Variants in SH3BP5 observed in about 807,000 individuals in gnomAD.
The protein encoded by SH3BP5 is SH3 domain binding protein 5, also known as SH3 domain-binding protein 5.
In SH3BP5, 22 loss-of-function variants were observed where a neutral mutation model predicts 43.3. That is an observed-to-expected ratio of 0.51 (90% confidence interval 0.36 to 0.73). SH3BP5 has a LOEUF of 0.73. Ranked by LOEUF, SH3BP5 falls within the 30% of genes least tolerant of loss-of-function variation. SH3BP5 has a pLI of 0.00. For missense variants in SH3BP5, 529 were observed against 586.9 expected (o/e 0.90, Z 1.02); for synonymous variants, 255 against 225.8 (o/e 1.13, Z -1.16).
chr3:15,261,432 T>G (rs1696433088), intron 5 of SH3BP5, among the ~76,000 whole-genome samples: 1 of 152,206 alleles, frequency 6.6e-6, no homozygotes, highest in African/African-American at 2.4e-5. Flanking sequence ...ACTGGGCATC[T>G]GCCAAGCTTC....
Position 15,262,304 on chromosome 3 carries a change from A to C in SH3BP5, c.496-15T>G. ...GCCTCCATGACCTTAAAATGACAGC[A>C]GAGTTCAGCCCAGTCCAGCCCAGAA... On this transcript the variant is annotated splice_polypyrimidine_tract_variant and intron_variant, in intron 4 of 8. Coordinates refer to ENST00000383791, the MANE Select transcript of SH3BP5 (RefSeq NM_004844.5). The C allele has an allele frequency of 6.2e-7, 1 of 1,614,038 alleles. No homozygotes were observed. The highest frequency in any genetic ancestry group is 8.5e-7 in the Non-Finnish European group (1 of 1,179,898).
intron 2 of SH3BP5, among the ~76,000 whole-genome samples, chr3:15,309,867 T>TGCA (rs1698004770): frequency 6.6e-6 from 1 of 151,828 alleles, no homozygotes; most frequent in South Asian, 2.1e-4. Context: ...TCATCAAAGA[T>TGCA]GCATTGAAAC....
intron 3 of SH3BP5, among the ~76,000 whole-genome samples, chr3:15,285,974 A>G (rs144076251): frequency 2.6e-5 from 4 of 152,274 alleles, no homozygotes; most frequent in Admixed American, 6.5e-5. Flanking sequence ...AGAGGGACAC[A>G]GATGAAAATG....
intron 2 of SH3BP5, among the ~76,000 whole-genome samples, chr3:15,309,478 G>C (rs959370651): frequency 9.2e-5 from 14 of 152,158 alleles, no homozygotes; most frequent in Admixed American, 9.2e-4. Flanking sequence ...AAACTCCTGG[G>C]CTCAAGGGAT....
intron 3 of SH3BP5, among the ~76,000 whole-genome samples, chr3:15,280,804 C>T (rs1697105942): frequency 2.0e-5 from 3 of 152,158 alleles, no homozygotes; most frequent in East Asian, 3.8e-4. Context: ...CCATCTCTGC[C>T]TTTGTCCCCC....
rs1212536882 is a variant in SH3BP5, at chr3:15,313,225, A to C, written c.202-8994T>G. On this transcript the variant is annotated intron_variant, in intron 2 of 8. Transcript: ENST00000383791. ...GCATAAGCCGAGATCATGCCATTGC[A>C]CTCCAGCTTGGGCAACAAGAGCGAA... Among the ~76,000 whole-genome samples, 5 of 152,386 alleles carry C rather than the reference A, an allele frequency of 3.3e-5. No homozygotes were observed. In the East Asian group the frequency reaches 9.6e-4, roughly 29 times the overall value.
chr3:15,330,499 T>C lies in SH3BP5; in HGVS notation c.201+5A>G, dbSNP rs773074117. 6.2e-7 allele frequency: 1 copy of C among 1,611,418 alleles called. No homozygotes were observed. Among genetic ancestry groups the C allele is most frequent in the Non-Finnish European group, 8.5e-7 (1 of 1,177,728 alleles). ...CACCAAGAACAGGAACTCAGCTCTC[T>C]GTACCTCAAGTTCAGTCTCCCGTCT... On this transcript the variant is annotated splice_donor_5th_base_variant and intron_variant, in intron 2 of 8. Transcript: ENST00000383791.
chr3:15,292,811 G>A (rs1269166411), intron 3 of SH3BP5, among the ~76,000 whole-genome samples: 2 of 152,168 alleles, frequency 1.3e-5, no homozygotes, highest in African/African-American at 2.4e-5. Flanking sequence ...TCACACCATT[G>A]CACCCCAGCC....
intron 2 of SH3BP5, among the ~76,000 whole-genome samples, chr3:15,320,445 G>A (rs1698293066): frequency 6.6e-6 from 1 of 152,056 alleles, no homozygotes; most frequent in Non-Finnish European, 1.5e-5. Context: ...GATACTCTTG[G>A]TTAAAATGCA....
At position 15,256,173 on chromosome 3, in the gene SH3BP5, C is replaced by T; in HGVS notation, c.1281G>A (p.Leu427=). 1 of 1,614,208 alleles carries T rather than the reference C, an allele frequency of 6.2e-7. No individual in the cohort carries two copies. The highest frequency in any genetic ancestry group is 8.5e-7 in the Non-Finnish European group (1 of 1,180,034). ...GGGAGAGCTGCTTCATCCGGTTCTC[C>T]AAGGCCTGGCCCTCAGGGGAGGTGC... The part of the protein sequence containing the change: ...QSSTSPEGQA[L]ENRMKQLSLQ... The change falls in exon 9 of 9, where the codon TTG becomes TTA. Residue 427 remains leucine, a synonymous_variant. Transcript: ENST00000383791.
intron 3 of SH3BP5, among the ~76,000 whole-genome samples, chr3:15,287,478 C>T (rs1697297437): frequency 6.6e-6 from 1 of 152,180 alleles, no homozygotes; most frequent in Admixed American, 6.5e-5. Flanking sequence ...CAGTGCTGTC[C>T]AACAGAACTT....
intron 3 of SH3BP5, among the ~76,000 whole-genome samples, chr3:15,274,738 G>A (rs2125071690): frequency 6.6e-6 from 1 of 152,276 alleles, no homozygotes; most frequent in East Asian, 1.9e-4. Context: ...TAGAGACAGG[G>A]TTTCGCCATG....
chr3:15,269,870 A>G lies in SH3BP5; in HGVS notation c.338T>C (p.Leu113Pro). The change falls in exon 4 of 9, where the codon CTG (leucine) becomes CCG (proline). Residue 113 changes from leucine (L) to proline (P), a missense_variant. This residue lies in a region of SH3BP5 where 85 missense variants were observed against 140.8 expected (regional missense o/e 0.60). Transcript: ENST00000383791. ...EARRVARQAQ[L>P]EAQKATQDFQ... ...GTCCTGCGTGGCTTTCTGAGCTTCC[A>G]GCTGAGCCTGTGTGAGAAAGAATCC... The G allele has an allele frequency of 1.3e-6, 2 of 1,544,198 alleles. No homozygotes were observed. Among genetic ancestry groups the G allele is most frequent in the Non-Finnish European group, 1.8e-6 (2 of 1,140,528 alleles).
chr3:15,308,182 T>TG (rs1046197283), intron 2 of SH3BP5, among the ~76,000 whole-genome samples: 1 of 152,176 alleles, frequency 6.6e-6, no homozygotes, highest in Non-Finnish European at 1.5e-5. Flanking sequence ...GAGAGCTCTC[T>TG]GGGGCACTGG....
chr3:15,278,437 C>T (rs572322860), intron 3 of SH3BP5, among the ~76,000 whole-genome samples: 3 of 152,160 alleles, frequency 2.0e-5, no homozygotes, highest in Non-Finnish European at 4.4e-5. Flanking sequence ...TCCCAGGGAC[C>T]GGCAGTTCAT....
chr3:15,304,192 T>C lies in SH3BP5; in HGVS notation c.241A>G (p.Thr81Ala). 6.2e-7 allele frequency: 1 copy of C among 1,614,184 alleles called. No homozygotes were observed. Among genetic ancestry groups the C allele is most frequent in the Non-Finnish European group, 8.5e-7 (1 of 1,180,030 alleles). The change falls in exon 3 of 9, where the codon ACG becomes GCG. Residue 81 changes from threonine (T) to alanine (A), a missense_variant. Physicochemically the swap from Thr to Ala is moderately conservative, Grantham distance 58 (BLOSUM62 0). Around this residue, in one of 3 missense-constraint regions of SH3BP5, gnomAD observed 85 missense variants for 140.8 expected, o/e 0.60. Transcript: ENST00000383791. ...QKFRSVLVEATVKLDELVKKI... is the reference protein window; with the variant it reads ...QKFRSVLVEAAVKLDELVKKI... ...TTCACCAGTTCATCCAGTTTCACCG[T>C]TGCTTCAACCAGAACAGAGCGGAAC...
intron 3 of SH3BP5, among the ~76,000 whole-genome samples, chr3:15,293,306 G>A (rs1447018621): frequency 6.6e-6 from 1 of 152,228 alleles, no homozygotes; most frequent in Non-Finnish European, 1.5e-5. Context: ...AGGGAAGAAC[G>A]TCACTGAGCC....
At chr3:15,338,461 C>T (rs1431921004) in intron 1 of SH3BP5, among the ~76,000 whole-genome samples, 1 of 152,214 alleles carries the variant, frequency 6.6e-6, no homozygotes, top group East Asian at 1.9e-4. Context: ...GTGTCAATAT[C>T]GGAAGAAACT....
rs758336543 is a variant in SH3BP5 at position 15,259,069 on chromosome 3, G to A, written c.670-19C>T. On this transcript the variant is annotated intron_variant, in intron 6 of 8. Transcript: ENST00000383791. ...TCAGTTGCTGATCAAGAGAACAGGAGACTAAGTGAAGACTACCCTGCTAGC... is the reference window on the plus strand; with the variant it reads ...TCAGTTGCTGATCAAGAGAACAGGAAACTAAGTGAAGACTACCCTGCTAGC... The A allele has an allele frequency of 1.3e-6, 2 of 1,599,616 alleles. No homozygotes were observed. The highest frequency in any genetic ancestry group is 1.7e-6 in the Non-Finnish European group (2 of 1,166,860).
Sources: allele counts gnomAD v4.1 joint callset (sites outside exome capture counted in the v4.1 genomes callset), GRCh38; gene constraint gnomAD v4.1.1; regional missense constraint gnomAD v4.1.1; transcripts MANE v1.5; gene names NCBI Gene and HGNC (gene_info 2026-07-23, HGNC 2026-07-21).